Variants in DNAH5 observed in about 807,000 individuals in gnomAD.
DNAH5 encodes the protein dynein axonemal heavy chain 5.
In DNAH5, 372 loss-of-function variants were observed where a neutral mutation model predicts 518.2. The observed-to-expected ratio is 0.72, with a 90% confidence interval of 0.66 to 0.78. The LOEUF (loss-of-function observed/expected upper bound fraction) is 0.78. Ranked by LOEUF, DNAH5 falls within the 30% of genes least tolerant of loss-of-function variation. DNAH5 has a pLI of 0.00. For synonymous variants in DNAH5, 2,039 were observed against 2,025.9 expected (o/e 1.01, Z -0.17); for missense variants, 5,523 against 5,687.0 (o/e 0.97, Z 0.93).
At chr5:13,946,750 G>GACAATGGA (rs1262962352), upstream of DNAH5, among the ~76,000 whole-genome samples, 2 of 152,210 alleles carry the variant, frequency 1.3e-5, no homozygotes, top group African/African-American at 2.4e-5. Context: ...AACAAGAGTA[G>GACAATGGA]ACAATGGACC....
intron 52 of DNAH5, among the ~76,000 whole-genome samples, chr5:13,783,159 A>G (rs144460860): frequency 6.6e-6 from 1 of 152,220 alleles, no homozygotes; most frequent in Non-Finnish European, 1.5e-5. Context: ...TATGCCAGGC[A>G]TGAGCTGAGC....
rs767411303 is a variant in DNAH5, at chr5:13,885,279, GGATAGATAGACA to G, written c.2744-63_2744-52del. ...ATAGAGATAAGTTAGATGGATGGAT[GGATAGATAGACA>G]GATAGATAGACAGATAGATAGAATC... On this transcript the variant is annotated intron_variant, in intron 18 of 78. Transcript: ENST00000265104. The G allele has an allele frequency of 1.6e-4, 261 of 1,594,098 alleles. 1 individual carries two copies. The highest frequency in any genetic ancestry group is 1.4e-3 in the African/African-American group (107 of 74,638).
At chr5:13,927,610 G>C (rs780544079) in intron 3 of DNAH5, among the ~76,000 whole-genome samples, 3 of 152,154 alleles carry the variant, frequency 2.0e-5, no homozygotes, top group African/African-American at 7.2e-5. Flanking sequence ...ATTTAAAGCA[G>C]AGTCAGTAGA....
chr5:13,717,270 A>G, intron 73 of DNAH5, 45 bp downstream of exon 73: 1 of 1,577,268 alleles, frequency 6.3e-7, no homozygotes, highest in Non-Finnish European at 8.7e-7. Context: ...TTGATGGCCC[A>G]AGCCCACAGC....
intron 55 of DNAH5, among the ~76,000 whole-genome samples, chr5:13,773,272 T>C (rs1316520181): frequency 6.6e-6 from 1 of 152,192 alleles, no homozygotes; most frequent in Non-Finnish European, 1.5e-5. Context: ...ATAAGTGTTA[T>C]AGATATAGGA....
intron 75 of DNAH5, among the ~76,000 whole-genome samples, chr5:13,713,440 T>TATATATATATATATACATCGAC (rs1743854419): frequency 3.5e-5 from 4 of 115,696 alleles, no homozygotes; most frequent in African/African-American, 1.5e-4. Context: ...TCGACATATA[T>TATATATATATATATACATCGAC]ATATATATAT....
chr5:13,820,399 G>A lies in DNAH5; in HGVS notation c.6788C>T (p.Pro2263Leu). 1 of 1,610,506 alleles carries A rather than the reference G, an allele frequency of 6.2e-7. No homozygotes were observed. Among genetic ancestry groups the A allele is most frequent in the South Asian group, 1.1e-5 (1 of 90,862 alleles). ...RVRHGMMTLG[P>L]SGAGKTTCIH... ...GCAGGTGGTCTTCCCAGCCCCACTG[G>A]GCCCCAGAGTCATCATCCCATGTCG... Residue 2263 changes from proline (P) to leucine (L), a missense_variant, in exon 41 of 79, where the codon CCC (proline) becomes CTC (leucine). By Grantham distance (98) the Pro-to-Leu change is moderately conservative. This residue lies in a region of DNAH5 where 5,121 missense variants were observed against 5,223.3 expected (regional missense o/e 0.98). Transcript: ENST00000265104.
At position 13,735,289 on chromosome 5, in the gene DNAH5, A is replaced by G; in HGVS notation, c.11603T>C (p.Ile3868Thr). The change falls in exon 68 of 79, where the codon ATT becomes ACT. Residue 3868 changes from isoleucine to threonine, a missense_variant. By Grantham distance (89) the Ile-to-Thr change is moderately conservative. Transcript: ENST00000265104. ...SVKSPITSKR[I>T]ANIIEHMTYE... ...GGTCATGTGCTCGATGATATTAGCA[A>G]TCCTCTTGCTTGTAATCGGGCTCTT... is the stretch of plus-strand genomic sequence containing the variant. The G allele has an allele frequency of 6.2e-7, 1 of 1,614,078 alleles. No homozygotes were observed. The highest frequency in any genetic ancestry group is 8.5e-7 in the Non-Finnish European group (1 of 1,179,992).
chr5:13,851,947 T>C (rs1307454331), intron 30 of DNAH5, among the ~76,000 whole-genome samples: 2 of 151,710 alleles, frequency 1.3e-5, no homozygotes, highest in African/African-American at 2.4e-5. Context: ...GGGTGGGGCG[T>C]TGCCTCACCT....
At chr5:13,964,789 C>T (rs1054028866) in intron 1 of DNAH5, among the ~76,000 whole-genome samples, 2 of 152,214 alleles carry the variant, frequency 1.3e-5, no homozygotes, top group Non-Finnish European at 2.9e-5. Flanking sequence ...TATACAGTAT[C>T]TGAAGTAGGA....
chr5:13,755,184 AC>A (rs1219026925), intron 61 of DNAH5, among the ~76,000 whole-genome samples: 1 of 152,136 alleles, frequency 6.6e-6, no homozygotes, highest in Non-Finnish European at 1.5e-5. Context: ...TGCTTATTCT[AC>A]TTGTAAAAAT....
intron 55 of DNAH5, among the ~76,000 whole-genome samples, chr5:13,774,591 G>T (rs866414493): frequency 6.6e-6 from 1 of 152,108 alleles, no homozygotes; most frequent in African/African-American, 2.4e-5. Flanking sequence ...GTCTTGTCTT[G>T]AGTCTGTCCA....
chr5:13,977,999 T>C (rs16902982), intron 1 of DNAH5, among the ~76,000 whole-genome samples: 5,727 of 152,210 alleles, frequency 0.038, 365 homozygotes, highest in African/African-American at 0.13. Context: ...GCTGTGTATA[T>C]AAGCTCCATG....
chr5:13,795,660 A>T (rs1036234758), intron 47 of DNAH5, among the ~76,000 whole-genome samples: 2 of 152,220 alleles, frequency 1.3e-5, no homozygotes, highest in Non-Finnish European at 2.9e-5. Flanking sequence ...AAACTATTCC[A>T]ATCAATAGAA....
rs1304504006 is a variant in DNAH5 at position 13,753,490 on chromosome 5, G to A, written c.10615C>T (p.Arg3539Cys). The A allele has an allele frequency of 1.5e-5, 24 of 1,613,852 alleles. No individual in the cohort carries two copies. The highest frequency in any genetic ancestry group is 1.6e-4 in the Middle Eastern group (1 of 6,080). ...SYSGPFNQEF[R>C]DLLLNDWRKE... Reference sequence around the variant, plus strand: ...CGCCAGTCATTTAACAGAAGATCACGAAACTCTTGGTTAAATGGACCAGAA... The same window carrying A: ...CGCCAGTCATTTAACAGAAGATCACAAAACTCTTGGTTAAATGGACCAGAA... The change falls in exon 63 of 79, where the codon CGT becomes TGT. Residue 3539 changes from arginine (R) to cysteine (C), a missense_variant. By Grantham distance (180) the Arg-to-Cys change is radical (BLOSUM62 -3). Transcript: ENST00000265104.
At chr5:13,959,631 T>A (rs1452161462) in intron 1 of DNAH5, among the ~76,000 whole-genome samples, 1 of 152,178 alleles carries the variant, frequency 6.6e-6, no homozygotes, top group Non-Finnish European at 1.5e-5. Context: ...CCCTCTTCAT[T>A]CCTTACCCCA....
chr5:13,708,483 A>AG (rs1418727953), intron 75 of DNAH5, 148 bp from the exon 76 acceptor site: 9 of 786,244 alleles, frequency 1.1e-5, no homozygotes, highest in Non-Finnish European at 1.8e-5. Context: ...AAAGAAAAAA[A>AG]AAAAGAAAAG....
chr5:13,736,585 G>C (rs575913109), intron 66 of DNAH5, among the ~76,000 whole-genome samples: 1 of 151,826 alleles, frequency 6.6e-6, no homozygotes, highest in Non-Finnish European at 1.5e-5. Context: ...TATATTTTTA[G>C]TAGAAACAGA....
At chr5:13,822,919 C>A (rs1039416336) in intron 40 of DNAH5, among the ~76,000 whole-genome samples, 2 of 152,162 alleles carry the variant, frequency 1.3e-5, no homozygotes, top group Non-Finnish European at 2.9e-5. Context: ...AGGGCAGAAA[C>A]AAGCTAAGCC....
Sources: allele counts gnomAD v4.1 joint callset (sites outside exome capture counted in the v4.1 genomes callset), GRCh38; gene constraint gnomAD v4.1.1; regional missense constraint gnomAD v4.1.1; transcripts MANE v1.5; gene names NCBI Gene and HGNC (gene_info 2026-07-23, HGNC 2026-07-21).